Variants in CFI observed in about 807,000 individuals in gnomAD.
CFI encodes complement factor I.
Under a neutral mutation model 78.8 loss-of-function variants are expected in CFI, and 66 were observed. The observed-to-expected ratio is 0.84, with a 90% confidence interval of 0.69 to 1.03. The LOEUF (loss-of-function observed/expected upper bound fraction) is 1.03. Among genes scored for constraint, CFI ranks in the 50% least tolerant of loss-of-function variants. The pLI is 0.00. For missense variants in CFI, 706 were observed against 704.5 expected, an observed-to-expected ratio of 1.00 and a Z score of -0.02; for synonymous variants, 250 against 232.6, an observed-to-expected ratio of 1.07 and a Z score of -0.68.
At chr4:109,756,729 A>T (rs1239663445) in intron 7 of CFI, among the ~76,000 whole-genome samples, 2 of 151,446 alleles carry the variant, frequency 1.3e-5, no homozygotes, top group Non-Finnish European at 2.9e-5. Context: ...GTGTGGTGGC[A>T]CGTGCCTGTA....
chr4:109,753,181 T>A (rs1354278297), intron 7 of CFI, among the ~76,000 whole-genome samples: 4 of 21,314 alleles, frequency 1.9e-4, no homozygotes, highest in East Asian at 1.7e-3. Context: ...TATAATATAT[T>A]TATTATATAA....
At position 109,764,595 on chromosome 4, in the gene CFI, T is replaced by G. The variant is rs762431670; in HGVS notation, c.424A>C (p.Lys142Gln). ...VDQDKTMFIC[K>Q]SSWSMREANV... ...GCTTCCCTCATGCTCCAGCTGCTTTTGCATATGAACATTGTCTTATCTTGG... is the reference window on the plus strand; with the variant it reads ...GCTTCCCTCATGCTCCAGCTGCTTTGGCATATGAACATTGTCTTATCTTGG... The change falls in exon 3 of 13, where the codon AAA becomes CAA. Residue 142 changes from lysine to glutamine, a missense_variant. Physicochemically the swap from Lys to Gln is moderately conservative, Grantham distance 53. Coordinates refer to ENST00000394634, the MANE Select transcript of CFI (RefSeq NM_000204.5). The G allele has an allele frequency of 2.5e-6, 4 of 1,614,070 alleles. No homozygotes were observed. The highest frequency in any genetic ancestry group is 3.4e-6 in the Non-Finnish European group (4 of 1,180,040).
chr4:109,756,227 C>A (rs982439632), intron 7 of CFI, among the ~76,000 whole-genome samples: 14 of 151,374 alleles, frequency 9.2e-5, no homozygotes, highest in Admixed American at 2.6e-4. Context: ...TGCTTGACCC[C>A]TGATGATCAT....
chr4:109,760,683 G>C (rs1579217584), intron 4 of CFI, 47 bp from the exon 5 acceptor site: 1 of 1,073,708 alleles, frequency 9.3e-7, no homozygotes, highest in Non-Finnish European at 1.5e-6. Flanking sequence ...TGGAGTGGTG[G>C]CATGACATCC....
chr4:109,792,795 T>C (rs1560567566), intron 1 of CFI, among the ~76,000 whole-genome samples: 1 of 152,204 alleles, frequency 6.6e-6, no homozygotes, highest in Non-Finnish European at 1.5e-5. Context: ...ATAGCCACTT[T>C]AGCTCTTTTT....
intron 12 of CFI, chr4:109,741,367 G>A: frequency 1.0e-6 from 1 of 985,378 alleles, no homozygotes; most frequent in Non-Finnish European, 1.2e-6. Context: ...ACTGAGTACT[G>A]AGATGAGATT....
the CFI span, among the ~76,000 whole-genome samples, chr4:109,732,925 A>G: frequency 7.0e-3 from 1,062 of 151,798 alleles, 12 homozygotes; most frequent in African/African-American, 0.025. Context: ...AGCCCTTTTG[A>G]CTGTGGGGCC....
intron 8 of CFI, among the ~76,000 whole-genome samples, chr4:109,750,092 G>A (rs1376194793): frequency 6.6e-6 from 1 of 152,040 alleles, no homozygotes; most frequent in African/African-American, 2.4e-5. Context: ...CGCCTCCCGG[G>A]TTCAAGGGAT....
intron 1 of CFI, among the ~76,000 whole-genome samples, chr4:109,797,294 T>C (rs1472549846): frequency 6.6e-6 from 1 of 152,190 alleles, no homozygotes; most frequent in African/African-American, 2.4e-5. Context: ...TCAACTGCTC[T>C]TCAACAAGGG....
At chr4:109,755,517 C>T (rs553055279) in intron 7 of CFI, among the ~76,000 whole-genome samples, 2 of 152,220 alleles carry the variant, frequency 1.3e-5, no homozygotes, top group East Asian at 3.9e-4. Flanking sequence ...GCTCTTCCCT[C>T]ATTAATAGAT....
intron 1 of CFI, among the ~76,000 whole-genome samples, chr4:109,775,270 G>T (rs982732427): frequency 7.2e-5 from 11 of 152,148 alleles, no homozygotes; most frequent in African/African-American, 2.7e-4. Flanking sequence ...AGTGACAGAT[G>T]GTACCTGGAA....
At chr4:109,801,386 T>C (rs923428484) in intron 1 of CFI, among the ~76,000 whole-genome samples, 1 of 152,254 alleles carries the variant, frequency 6.6e-6, no homozygotes, top group Non-Finnish European at 1.5e-5. Context: ...AATCTCTTCA[T>C]GACCTCTCAG....
chr4:109,771,970 C>G (rs938520268), intron 1 of CFI, among the ~76,000 whole-genome samples: 1 of 152,118 alleles, frequency 6.6e-6, no homozygotes, highest in Non-Finnish European at 1.5e-5. Context: ...ATAGGAGAAG[C>G]AATCAGAGCA....
At chr4:109,760,119 A>T in intron 6 of CFI, 151 bp downstream of exon 6, 5 of 708,664 alleles carry the variant, frequency 7.1e-6, no homozygotes, top group Admixed American at 2.0e-5. Context: ...ATATGAGGAG[A>T]TGAACATTCC....
At chr4:109,736,204 G>C (rs1426661439), downstream of CFI, among the ~76,000 whole-genome samples, 1 of 152,176 alleles carries the variant, frequency 6.6e-6, no homozygotes, top group Non-Finnish European at 1.5e-5. Flanking sequence ...AGGGAGTGCT[G>C]GGAGAGTCTC....
intron 1 of CFI, among the ~76,000 whole-genome samples, chr4:109,796,400 G>A (rs1226636390): frequency 1.3e-5 from 2 of 152,176 alleles, no homozygotes; most frequent in African/African-American, 4.8e-5. Flanking sequence ...AAGTTGAAAT[G>A]AAAAGATGAT....
chr4:109,764,095 A>T (rs574778260), intron 3 of CFI, among the ~76,000 whole-genome samples: 23 of 150,076 alleles, frequency 1.5e-4, no homozygotes, highest in Non-Finnish European at 2.5e-4. Flanking sequence ...AAAACTATAA[A>T]CTATAATTTA....
chr4:109,791,191 G>C (rs1299793821), intron 1 of CFI, among the ~76,000 whole-genome samples: 1 of 152,042 alleles, frequency 6.6e-6, no homozygotes, highest in African/African-American at 2.4e-5. Flanking sequence ...CATTTATCCA[G>C]TGATCACTGA....
At chr4:109,774,854 T>C (rs576733901) in intron 1 of CFI, among the ~76,000 whole-genome samples, 3 of 152,178 alleles carry the variant, frequency 2.0e-5, no homozygotes, top group Non-Finnish European at 4.4e-5. Flanking sequence ...ATATAGTTTG[T>C]TCTTATTTCT....
Sources: gnomAD v4.1 joint callset for allele counts (sites outside exome capture counted in the v4.1 genomes callset) on GRCh38, gnomAD v4.1.1 for gene constraint, MANE v1.5 for transcripts, NCBI Gene and HGNC (gene_info 2026-07-23, HGNC 2026-07-21) for gene names.